SPOCK3: variants seen among roughly 807,000 people sequenced by gnomAD.
The protein encoded by SPOCK3 is testican-3.
A neutral mutation model predicts 56.6 loss-of-function variants in SPOCK3; 30 were observed. That is an observed-to-expected ratio of 0.53 (90% CI 0.40 to 0.72). The LOEUF (loss-of-function observed/expected upper bound fraction) is 0.72. Among genes scored for constraint, SPOCK3 ranks in the 30% least tolerant of loss-of-function variants. The pLI is 0.00. For missense variants in SPOCK3, 527 were observed against 530.0 expected (o/e 0.99, Z 0.06); for synonymous variants, 196 against 183.3 (o/e 1.07, Z -0.56).
chr4:167,156,767 C>A (rs1217821492), intron 2 of SPOCK3, among the ~76,000 whole-genome samples: 2 of 152,104 alleles, frequency 1.3e-5, no homozygotes, highest in Non-Finnish European at 2.9e-5. Flanking sequence ...GCATTGACAG[C>A]ATCCAGAGCT....
intron 7 of SPOCK3, among the ~76,000 whole-genome samples, chr4:166,767,230 G>A (rs542019328): frequency 1.3e-5 from 2 of 152,206 alleles, no homozygotes; most frequent in South Asian, 2.1e-4. Flanking sequence ...CCTTCTGCTA[G>A]CTTTTGAATG....
chr4:166,788,611 A>G (rs1478432431), intron 7 of SPOCK3, among the ~76,000 whole-genome samples: 2 of 151,744 alleles, frequency 1.3e-5, no homozygotes, highest in Non-Finnish European at 2.9e-5. Flanking sequence ...CTGCTTATTT[A>G]CTACAAAATG....
At chr4:167,234,690 C>T (rs1172565134), upstream of SPOCK3, 1 of 172,186 alleles carries the variant, frequency 5.8e-6, no homozygotes, top group East Asian at 1.6e-4. Context: ...TCCTCCTATC[C>T]CACCTTCCTC....
intron 2 of SPOCK3, among the ~76,000 whole-genome samples, chr4:167,108,048 A>C (rs762908167): frequency 2.0e-5 from 3 of 151,954 alleles, no homozygotes; most frequent in Non-Finnish European, 4.4e-5. Context: ...CAGGCATATA[A>C]AAATATGCTC....
intron 6 of SPOCK3, among the ~76,000 whole-genome samples, chr4:166,857,253 C>A (rs1442756915): frequency 6.6e-6 from 1 of 152,208 alleles, no homozygotes; most frequent in Non-Finnish European, 1.5e-5. Flanking sequence ...AAGAGCTGCA[C>A]TGAGCTCCTC....
At chr4:167,217,147 G>C (rs577494920) in intron 2 of SPOCK3, among the ~76,000 whole-genome samples, 2 of 152,052 alleles carry the variant, frequency 1.3e-5, no homozygotes, top group Non-Finnish European at 2.9e-5. Flanking sequence ...ACTTTAAAAA[G>C]AATTAAACAA....
At chr4:167,067,071 T>C (rs921004520) in intron 2 of SPOCK3, among the ~76,000 whole-genome samples, 1 of 151,870 alleles carries the variant, frequency 6.6e-6, no homozygotes, top group Non-Finnish European at 1.5e-5. Context: ...CAGAGTTTGA[T>C]ACAGAATCAG....
intron 2 of SPOCK3, among the ~76,000 whole-genome samples, chr4:167,067,912 T>C (rs980092962): frequency 6.6e-6 from 1 of 151,818 alleles, no homozygotes; most frequent in Non-Finnish European, 1.5e-5. Flanking sequence ...CATTTTATTA[T>C]GTTAATACTT....
At chr4:166,868,688 A>C (rs997105157) in intron 6 of SPOCK3, among the ~76,000 whole-genome samples, 1 of 152,142 alleles carries the variant, frequency 6.6e-6, no homozygotes, top group Non-Finnish European at 1.5e-5. Context: ...AAACATAAGA[A>C]GAAAAGGACA....
At position 167,157,310 on chromosome 4, in the gene SPOCK3, C is replaced by T. The variant is rs141168833; in HGVS notation, c.189+76675G>A. ...TAAGTATAGTATTATCTCATGACTT[C>T]GGAAAGATAAGAATTTAAAAGGTGA... On this transcript the variant is annotated intron_variant, in intron 2 of 10. Coordinates refer to ENST00000357545, the MANE Select transcript of SPOCK3 (RefSeq NM_001040159.2). Among the ~76,000 whole-genome samples the T allele has an allele frequency of 2.2e-3, 327 of 151,926 alleles. 6 individuals are homozygous for T. The highest frequency in any genetic ancestry group is 0.015 in the East Asian group (78 of 5,158).
chr4:166,834,404 TCA>T (rs1746398580), intron 6 of SPOCK3, among the ~76,000 whole-genome samples: 1 of 152,182 alleles, frequency 6.6e-6, no homozygotes, highest in African/African-American at 2.4e-5. Flanking sequence ...TCTTTGAAAT[TCA>T]GTTTATTTGA....
intron 4 of SPOCK3, among the ~76,000 whole-genome samples, chr4:166,939,631 G>A (rs1476075319): frequency 6.6e-6 from 1 of 152,146 alleles, no homozygotes; most frequent in Non-Finnish European, 1.5e-5. Context: ...TACTGGGCTG[G>A]GAGGAAGAGG....
intron 6 of SPOCK3, among the ~76,000 whole-genome samples, chr4:166,797,331 C>A (rs1742071955): frequency 9.9e-6 from 1 of 101,118 alleles, no homozygotes; most frequent in Non-Finnish European, 1.9e-5. Flanking sequence ...TTAAACAAAG[C>A]TTTGATATTT....
At chr4:167,232,134 C>A (rs574538831) in intron 2 of SPOCK3, among the ~76,000 whole-genome samples, 1 of 152,188 alleles carries the variant, frequency 6.6e-6, no homozygotes, top group East Asian at 1.9e-4. Context: ...TAGTAGGCAA[C>A]TCAGCTTGTC....
chr4:166,993,817 A>C (rs1748061732), intron 4 of SPOCK3, among the ~76,000 whole-genome samples: 1 of 152,158 alleles, frequency 6.6e-6, no homozygotes, highest in South Asian at 2.1e-4. Context: ...GGGAGGGGAG[A>C]CTGAATAGAC....
intron 10 of SPOCK3, 87 bp from the exon 11 acceptor site, chr4:166,735,177 TA>T: frequency 2.5e-6 from 2 of 809,296 alleles, no homozygotes; most frequent in Non-Finnish European, 3.9e-6. Flanking sequence ...AAATTAAGAA[TA>T]TTTTTTAGAA....
intron 7 of SPOCK3, among the ~76,000 whole-genome samples, chr4:166,780,197 C>T (rs555612653): frequency 2.6e-5 from 4 of 152,176 alleles, no homozygotes; most frequent in African/African-American, 9.6e-5. Flanking sequence ...AAGACATGTG[C>T]CTCCAAGAAA....
chr4:166,972,837 G>A (rs1745535019), intron 4 of SPOCK3, among the ~76,000 whole-genome samples: 1 of 151,776 alleles, frequency 6.6e-6, no homozygotes, highest in Non-Finnish European at 1.5e-5. Context: ...ATAACTACAG[G>A]TGTGACATGT....
chr4:166,940,946 C>T (rs1348537745), intron 4 of SPOCK3, among the ~76,000 whole-genome samples: 2 of 150,952 alleles, frequency 1.3e-5, no homozygotes, highest in Non-Finnish European at 3.0e-5. Flanking sequence ...TGAATTCCCT[C>T]CCTTTCAGGA....
Sources: gnomAD v4.1 joint callset for allele counts (sites outside exome capture counted in the v4.1 genomes callset) on GRCh38, gnomAD v4.1.1 for gene constraint, MANE v1.5 for transcripts, NCBI Gene and HGNC (gene_info 2026-07-23, HGNC 2026-07-21) for gene names.